CCDC192: variants seen among roughly 807,000 people sequenced by gnomAD.
The protein encoded by CCDC192 is coiled-coil domain containing 192.
At chr5:127,773,155 T>C (rs1755659511) in intron 3 of CCDC192, among the ~76,000 whole-genome samples, 1 of 152,232 alleles carries the variant, frequency 6.6e-6, no homozygotes, top group Non-Finnish European at 1.5e-5. Flanking sequence ...TTGTATTTAT[T>C]AATTTAAAAT....
chr5:127,716,002 A>T (rs248728), intron 2 of CCDC192, among the ~76,000 whole-genome samples: 47,489 of 152,062 alleles, frequency 0.31, 8,270 homozygotes, highest in Middle Eastern at 0.41. Flanking sequence ...ACTTTTCTCC[A>T]TTCAGTATAT....
chr5:127,896,372 C>T (rs574033431), intron 6 of CCDC192, among the ~76,000 whole-genome samples: 1 of 151,956 alleles, frequency 6.6e-6, no homozygotes, highest in Non-Finnish European at 1.5e-5. Flanking sequence ...TACTTGGTTC[C>T]CCTCCATTCA....
At chr5:127,897,059 CTCTTT>C (rs1297314606) in intron 6 of CCDC192, among the ~76,000 whole-genome samples, 1 of 136,668 alleles carries the variant, frequency 7.3e-6, no homozygotes, top group African/African-American at 2.9e-5. Flanking sequence ...ATGTCTCTCT[CTCTTT>C]TTTTTTTTAA....
intron 5 of CCDC192, among the ~76,000 whole-genome samples, chr5:127,833,351 A>G (rs952732344): frequency 6.6e-6 from 1 of 152,142 alleles, no homozygotes; most frequent in Non-Finnish European, 1.5e-5. Flanking sequence ...TCACTGTCCT[A>G]TTGTCCAATG....
At chr5:127,911,811 A>G (rs1022018089) in intron 6 of CCDC192, among the ~76,000 whole-genome samples, 1 of 151,094 alleles carries the variant, frequency 6.6e-6, no homozygotes, top group Non-Finnish European at 1.5e-5. Context: ...GGCTCAAGCA[A>G]TCCTCTCACT....
At chr5:127,826,084 A>G (rs1000061862) in intron 5 of CCDC192, among the ~76,000 whole-genome samples, 103 of 152,198 alleles carry the variant, frequency 6.8e-4, no homozygotes, top group Admixed American at 2.8e-3. Flanking sequence ...ATAAGCTCAA[A>G]CTGCAAATTG....
Position 127,855,890 on chromosome 5 carries a change from A to G in CCDC192, c.412-19648A>G, listed in dbSNP as rs1751065033. On this transcript the variant is annotated intron_variant, in intron 5 of 6. Coordinates refer to ENST00000514853, the MANE Select transcript of CCDC192 (RefSeq NM_001317938.2). ...AAATATCAAGTAAAGCATGCTGTAA[A>G]CAGATGAACCAGACTTTGTCGTTCC... Among the ~76,000 whole-genome samples, 3 of 152,202 alleles carry G rather than the reference A, an allele frequency of 2.0e-5. No homozygotes were observed. In the South Asian group the frequency reaches 6.2e-4, roughly 31 times the overall value.
intron 5 of CCDC192, among the ~76,000 whole-genome samples, chr5:127,867,518 A>G (rs1751664472): frequency 6.6e-6 from 1 of 152,182 alleles, no homozygotes; most frequent in South Asian, 2.1e-4. Flanking sequence ...ACAACTGTAG[A>G]GGTGGGGCTA....
intron 5 of CCDC192, among the ~76,000 whole-genome samples, chr5:127,800,781 A>G (rs1757466732): frequency 6.6e-6 from 1 of 152,182 alleles, no homozygotes; most frequent in African/African-American, 2.4e-5. Flanking sequence ...CAGTTTTAAA[A>G]TCCTACCTCT....
intron 6 of CCDC192, among the ~76,000 whole-genome samples, chr5:127,918,829 GTC>G (rs1454573827): frequency 6.7e-6 from 1 of 148,384 alleles, no homozygotes; most frequent in South Asian, 2.1e-4. Context: ...GTCTCTGTAT[GTC>G]TCTCTGTGTG....
intron 5 of CCDC192, among the ~76,000 whole-genome samples, chr5:127,833,180 T>C (rs2127046964): frequency 6.6e-6 from 1 of 152,308 alleles, no homozygotes; most frequent in Non-Finnish European, 1.5e-5. Flanking sequence ...TCTTTTTCAC[T>C]AATGGGTTGA....
At chr5:127,891,937 G>A (rs1176309672) in intron 6 of CCDC192, among the ~76,000 whole-genome samples, 1 of 151,944 alleles carries the variant, frequency 6.6e-6, no homozygotes, top group Non-Finnish European at 1.5e-5. Context: ...GCTCTTCGAG[G>A]GTATATATTA....
chr5:127,846,013 G>A (rs569535520), intron 5 of CCDC192, among the ~76,000 whole-genome samples: 4 of 152,144 alleles, frequency 2.6e-5, no homozygotes, highest in East Asian at 3.9e-4. Flanking sequence ...TTGTTTGGCC[G>A]GGCTTGGTGG....
intron 2 of CCDC192, among the ~76,000 whole-genome samples, chr5:127,747,555 C>G (rs775404437): frequency 1.3e-5 from 2 of 151,756 alleles, no homozygotes; most frequent in African/African-American, 4.8e-5. Flanking sequence ...TGAATAATGC[C>G]GCAATAAACA....
At chr5:127,831,515 T>C (rs1749796335) in intron 5 of CCDC192, among the ~76,000 whole-genome samples, 1 of 151,974 alleles carries the variant, frequency 6.6e-6, no homozygotes, top group Admixed American at 6.6e-5. Flanking sequence ...AATGCCTATA[T>C]TGTGTGTGTG....
intron 3 of CCDC192, among the ~76,000 whole-genome samples, chr5:127,784,172 C>T (rs1756403887): frequency 6.6e-6 from 1 of 152,140 alleles, no homozygotes. Flanking sequence ...ATTAGAAATC[C>T]TTTAATTTTC....
chr5:127,704,574 G>A (rs1006079290), intron 1 of CCDC192, among the ~76,000 whole-genome samples: 2 of 152,170 alleles, frequency 1.3e-5, no homozygotes, highest in African/African-American at 4.8e-5. Context: ...TCTATGGTCT[G>A]TGGATGATAT....
intron 2 of CCDC192, among the ~76,000 whole-genome samples, chr5:127,718,157 C>T (rs1282370709): frequency 6.6e-6 from 1 of 152,030 alleles, no homozygotes; most frequent in Non-Finnish European, 1.5e-5. Flanking sequence ...GCAAGACGAC[C>T]TATTTCATTT....
At position 127,826,199 on chromosome 5, in the gene CCDC192, T is replaced by C. The variant is rs140916658; in HGVS notation, c.411+28037T>C. Among the ~76,000 whole-genome samples, 10 of 152,276 alleles carry C rather than the reference T, an allele frequency of 6.6e-5. No homozygotes were observed. In the East Asian group the frequency reaches 1.9e-3, roughly 29 times the overall value. On this transcript the variant is annotated intron_variant, in intron 5 of 6. Transcript: ENST00000514853. ...CATAAAAAATGTTCCACATCACTAATATCAGAGAAATGCAAATTAAAACCA... is the reference window on the plus strand; with the variant it reads ...CATAAAAAATGTTCCACATCACTAACATCAGAGAAATGCAAATTAAAACCA...
Sources: allele counts gnomAD v4.1 joint callset (sites outside exome capture counted in the v4.1 genomes callset), GRCh38; gene constraint gnomAD v4.1.1; transcripts MANE v1.5; gene names NCBI Gene and HGNC (gene_info 2026-07-23, HGNC 2026-07-21).